OPTN: variants seen among roughly 807,000 people sequenced by gnomAD.
OPTN encodes optineurin, also known as E3-14.7K-interacting protein.
OPTN carries 54 observed loss-of-function variants against 70.4 expected under a neutral mutation model. The observed-to-expected ratio is 0.77, with a 90% CI of 0.62 to 0.96. The LOEUF is 0.96. Ranked by LOEUF, OPTN falls within the 40% of genes least tolerant of loss-of-function variation. The probability of loss-of-function intolerance (pLI) is 0.00; values close to 1 mark genes in which losing one functional copy is unlikely to be tolerated. For synonymous variants in OPTN, 256 were observed against 248.5 expected (o/e 1.03, Z -0.28); for missense variants, 624 against 673.2 (o/e 0.93, Z 0.81).
chr10:13,105,257 T>C (rs1394433626), intron 1 of OPTN, among the ~76,000 whole-genome samples: 1 of 152,228 alleles, frequency 6.6e-6, no homozygotes, highest in South Asian at 2.1e-4. Context: ...AGGACAGTTA[T>C]AGCTATTCAT....
intron 12 of OPTN, 133 bp from the exon 13 acceptor site, chr10:13,131,934 T>G (rs577210144): frequency 1.7e-4 from 140 of 841,308 alleles, no homozygotes; most frequent in Non-Finnish European, 2.4e-4. Context: ...TTATACTGTT[T>G]TCTAGCAGGA....
intron 12 of OPTN, among the ~76,000 whole-genome samples, chr10:13,131,044 C>G (rs1833583598): frequency 6.6e-6 from 1 of 152,160 alleles, no homozygotes; most frequent in Admixed American, 6.5e-5. Context: ...CTCAGCCTCC[C>G]AAGTAGCTGG....
chr10:13,119,080 A>G (rs749164527), intron 7 of OPTN, 40 bp downstream of exon 7: 1 of 1,580,308 alleles, frequency 6.3e-7, no homozygotes, highest in Non-Finnish European at 8.7e-7. Context: ...TTTTTTTAAA[A>G]CAGCTTTCCT....
chr10:13,116,940 C>A (rs1833222386), intron 6 of OPTN, among the ~76,000 whole-genome samples: 1 of 152,112 alleles, frequency 6.6e-6, no homozygotes, highest in African/African-American at 2.4e-5. Context: ...GGGAGGCAGA[C>A]CTAGAACTGA....
chr10:13,107,628 G>A (rs575869814), intron 1 of OPTN, among the ~76,000 whole-genome samples: 27 of 151,912 alleles, frequency 1.8e-4, no homozygotes, highest in African/African-American at 6.5e-4. Flanking sequence ...TAATCTGCCC[G>A]CCTCAGCCTC....
At chr10:13,101,246 T>C (rs1265176536) in intron 1 of OPTN, among the ~76,000 whole-genome samples, 4 of 152,226 alleles carry the variant, frequency 2.6e-5, no homozygotes, top group African/African-American at 9.6e-5. Flanking sequence ...ATTTAAGTCC[T>C]GGCATAATTC....
chr10:13,134,679 C>T (rs550082836), intron 14 of OPTN, among the ~76,000 whole-genome samples: 9 of 152,120 alleles, frequency 5.9e-5, no homozygotes, highest in Admixed American at 2.6e-4. Flanking sequence ...CTGCCCACGT[C>T]GGCCTCCCAA....
rs537761831 is a variant in OPTN at position 13,114,246 on chromosome 10, G to A, written c.552+1611G>A. 1.5e-3 allele frequency among the ~76,000 whole-genome samples: 222 copies of A among 152,210 alleles called. 1 individual carries two copies. The highest frequency in any genetic ancestry group is 2.8e-3 in the Non-Finnish European group (193 of 68,006). On this transcript the variant is annotated intron_variant, in intron 5 of 14. Transcript: ENST00000378747. ...GATTTATTTGCTGCAATAGAGTTAG[G>A]AAACAGCTCTGAATAACCCTGCCAT...
In OPTN at chr10:13,132,138, A is replaced by G. The variant is rs944477313; in HGVS notation, c.1473A>G (p.Gln491=). ...AGAAAATTCATGAGGAAAAGGAGCA[A>G]CTGGCATTGCAGCTGGCAGTTCTGC... The part of the protein sequence containing the change: ...AREKIHEEKE[Q]LALQLAVLLK... Residue 491 remains glutamine (Q), a synonymous_variant, in exon 13 of 15, where the codon CAA becomes CAG. Transcript: ENST00000378747. The G allele has an allele frequency of 1.2e-6, 2 of 1,613,672 alleles. No homozygotes were observed. The highest frequency in any genetic ancestry group is 2.7e-5 in the African/African-American group (2 of 74,914).
rs760492259 is a variant in OPTN at position 13,110,370 on chromosome 10, T to C, written c.263T>C (p.Ile88Thr). The C allele has an allele frequency of 3.6e-5, 58 of 1,613,882 alleles. No homozygotes were observed. Among genetic ancestry groups the C allele is most frequent in the East Asian group, 1.6e-4 (7 of 44,874 alleles). ...AAGGAAGAACGCCAGTTTTTTGAGATACAGAGCAAAGAAGCAAAAGAGCGT... is the reference window on the plus strand; with the variant it reads ...AAGGAAGAACGCCAGTTTTTTGAGACACAGAGCAAAGAAGCAAAAGAGCGT... The part of the protein sequence containing the change: ...KQKEERQFFE[I>T]QSKEAKERLM... Residue 88 changes from isoleucine to threonine, a missense_variant, in exon 4 of 15, where the codon ATA becomes ACA. Ile to Thr is a moderately conservative substitution (Grantham distance 89). Transcript: ENST00000378747.
intron 13 of OPTN, 127 bp from the exon 14 acceptor site, chr10:13,133,375 G>C: frequency 1.3e-6 from 1 of 766,616 alleles, no homozygotes; most frequent in Non-Finnish European, 2.3e-6. Flanking sequence ...AAATTAGTCT[G>C]GTTTTTATGA....
At chr10:13,108,784 G>T (rs1832924680) in intron 2 of OPTN, among the ~76,000 whole-genome samples, 1 of 152,024 alleles carries the variant, frequency 6.6e-6, no homozygotes, top group Admixed American at 6.6e-5. Context: ...CTGACCTCAT[G>T]ATCTGTCCGC....
chr10:13,120,190 A>C (rs1353338351), intron 7 of OPTN, among the ~76,000 whole-genome samples: 2 of 149,972 alleles, frequency 1.3e-5, no homozygotes, highest in East Asian at 2.0e-4. Context: ...GGGTTTCACC[A>C]TGTTAGCCAG....
chr10:13,131,543 T>G (rs1283497748), intron 12 of OPTN: 2 of 154,470 alleles, frequency 1.3e-5, no homozygotes, highest in East Asian at 3.8e-4. Context: ...AAAATGAGGA[T>G]AGCCATTCTT....
intron 9 of OPTN, among the ~76,000 whole-genome samples, chr10:13,125,160 T>G (rs539463881): frequency 6.6e-6 from 1 of 152,350 alleles, no homozygotes; most frequent in East Asian, 1.9e-4. Flanking sequence ...TGTATCTGTA[T>G]GACTAGTTTA....
At chr10:13,102,993 C>A (rs186992371) in intron 1 of OPTN, among the ~76,000 whole-genome samples, 2 of 151,314 alleles carry the variant, frequency 1.3e-5, no homozygotes, top group Non-Finnish European at 2.9e-5. Context: ...GAGGTGATGG[C>A]ATTTGGTGAC....
In OPTN at chr10:13,128,502, CTT is replaced by C. The variant is rs56147136; in HGVS notation, c.1401+630_1401+631del. Among the ~76,000 whole-genome samples, 296 of 33,324 alleles carry C rather than the reference CTT, an allele frequency of 8.9e-3. 16 individuals are homozygous for C. Among genetic ancestry groups the C allele is most frequent in the Non-Finnish European group, 0.012 (202 of 17,010 alleles). The allele number at this position is 33,324 out of a possible 152,430, so 21.9% of individuals were successfully genotyped here. A position where few individuals can be genotyped will look rare whatever the true frequency, so the allele number is the denominator to read the frequency against. On this transcript the variant is annotated intron_variant, in intron 12 of 14. Coordinates refer to ENST00000378747, the MANE Select transcript of OPTN (RefSeq NM_001008212.2). ...TTGTGAAGTGCCTTATCAAGCCTGC[CTT>C]TTTTTTTTTTTTTTTTTTTTTTTTT...
chr10:13,112,351 C>A, intron 4 of OPTN, 102 bp from the exon 5 acceptor site: 1 of 1,127,072 alleles, frequency 8.9e-7, no homozygotes, highest in Non-Finnish European at 1.3e-6. Context: ...TCAAGGGATC[C>A]TCCCACTTCA....
At position 13,112,451 on chromosome 10, in the gene OPTN, A is replaced by G; in HGVS notation, c.370-2A>G. ...ATTCACTTTACTCCTTGTCATCTCC[A>G]GGACCCCACTGATGACTCCAGGCTT... is the stretch of plus-strand genomic sequence containing the variant. On this transcript the variant is annotated splice_acceptor_variant, in intron 4 of 14. Coordinates refer to ENST00000378747, the MANE Select transcript of OPTN (RefSeq NM_001008212.2). LOFTEE classifies it high-confidence loss of function. 1 of 1,613,838 alleles carries G rather than the reference A, an allele frequency of 6.2e-7. No individual in the cohort carries two copies. The highest frequency in any genetic ancestry group is 8.5e-7 in the Non-Finnish European group (1 of 1,179,882).
Sources: allele counts gnomAD v4.1 joint callset (sites outside exome capture counted in the v4.1 genomes callset), GRCh38; gene constraint gnomAD v4.1.1; transcripts MANE v1.5; gene names NCBI Gene and HGNC (gene_info 2026-07-23, HGNC 2026-07-21).